The following ROR2 variants were observed in gnomAD, a reference collection of about 807,000 sequenced individuals.
ROR2 encodes the protein ROR family WNT receptor 2, also known as tyrosine-protein kinase transmembrane receptor ROR2.
In ROR2, 33 loss-of-function variants were observed where a neutral mutation model predicts 74.9. The ratio of observed to expected loss-of-function variants is 0.44; its 90% CI spans 0.33 to 0.59. The LOEUF (loss-of-function observed/expected upper bound fraction) is 0.59, where lower values mean the gene tolerates loss of function less well. ROR2 is among the 20% of genes least tolerant of loss of function. The probability of loss-of-function intolerance (pLI) is 0.02; values close to 1 mark genes in which losing one functional copy is unlikely to be tolerated. For synonymous variants in ROR2, 586 were observed against 558.7 expected (o/e 1.05, Z -0.69); for missense variants, 1,216 against 1,313.8 (o/e 0.93, Z 1.15).
chr9:91,937,886 C>T (rs545221223), intron 1 of ROR2, among the ~76,000 whole-genome samples: 3 of 152,082 alleles, frequency 2.0e-5, no homozygotes, highest in African/African-American at 7.2e-5. Flanking sequence ...GCTAATTTTT[C>T]ATTTTTATTT....
intron 1 of ROR2, among the ~76,000 whole-genome samples, chr9:91,895,304 T>G (rs993500216): frequency 2.0e-5 from 3 of 152,194 alleles, no homozygotes; most frequent in Non-Finnish European, 4.4e-5. Flanking sequence ...TTGAAAAATA[T>G]CTGTATGATA....
At chr9:91,737,300 CA>C in intron 5 of ROR2, 90 bp downstream of exon 5, 1 of 1,539,612 alleles carries the variant, frequency 6.5e-7, no homozygotes, top group Non-Finnish European at 9.0e-7. Context: ...CTGACCATGC[CA>C]TTAACTGATG....
At chr9:91,741,892 T>C (rs1391485121) in intron 4 of ROR2, among the ~76,000 whole-genome samples, 2 of 152,200 alleles carry the variant, frequency 1.3e-5, no homozygotes, top group Non-Finnish European at 2.9e-5. Flanking sequence ...ATACAAACCA[T>C]GATGTCCACT....
chr9:91,867,024 T>A (rs980440487), intron 1 of ROR2, among the ~76,000 whole-genome samples: 8 of 152,248 alleles, frequency 5.3e-5, no homozygotes, highest in Non-Finnish European at 1.2e-4. Flanking sequence ...GTTCTGGTTC[T>A]GGACAAGATA....
intron 1 of ROR2, among the ~76,000 whole-genome samples, chr9:91,823,691 T>C (rs1348798323): frequency 1.3e-5 from 2 of 152,222 alleles, no homozygotes; most frequent in East Asian, 3.9e-4. Flanking sequence ...AGAGTTTATG[T>C]GTGTGTTTGC....
rs1170797903 is a variant in ROR2, at chr9:91,724,013, C to T, written c.2481G>A (p.Val827=). 1 of 1,612,414 alleles carries T rather than the reference C, an allele frequency of 6.2e-7. No homozygotes were observed. The highest frequency in any genetic ancestry group is 1.1e-5 in the South Asian group (1 of 91,068). The change falls in exon 9 of 9, where the codon GTG becomes GTA. Residue 827 remains valine (V), a synonymous_variant. Coordinates refer to ENST00000375708, the MANE Select transcript of ROR2 (RefSeq NM_004560.4). ...TGGGCAGGTAGGCCCCATAGGCCGG[C>T]ACCGGCTGGTAGCCGTTGACGGGGA... ...LYVPVNGYQP[V]PAYGAYLPNF... is the part of the protein sequence containing the mutation.
At chr9:91,901,816 G>A (rs1830684720) in intron 1 of ROR2, among the ~76,000 whole-genome samples, 1 of 139,204 alleles carries the variant, frequency 7.2e-6, no homozygotes, top group African/African-American at 2.6e-5. Flanking sequence ...AAAAAAAAAA[G>A]AGTGCTCTGA....
intron 2 of ROR2, among the ~76,000 whole-genome samples, chr9:91,770,838 C>T (rs913013165): frequency 2.6e-5 from 4 of 152,178 alleles, no homozygotes; most frequent in Non-Finnish European, 4.4e-5. Context: ...AACTATCATA[C>T]GTACACACAG....
chr9:91,770,376 C>CG (rs1826189826), intron 2 of ROR2, among the ~76,000 whole-genome samples: 1 of 152,204 alleles, frequency 6.6e-6, no homozygotes, highest in Admixed American at 6.5e-5. Context: ...GCGGTCAGCA[C>CG]GGGGGCCCAC....
chr9:91,757,362 G>T lies in ROR2; in HGVS notation c.373C>A (p.Leu125Met). The T allele has an allele frequency of 6.2e-7, 1 of 1,613,996 alleles. No individual in the cohort carries two copies. Among genetic ancestry groups the T allele is most frequent in the Non-Finnish European group, 8.5e-7 (1 of 1,180,016 alleles). Residue 125 changes from leucine (L) to methionine (M), a missense_variant, in exon 3 of 9, where the codon CTG becomes ATG. Leu to Met is a conservative substitution (Grantham distance 15). Coordinates refer to ENST00000375708, the MANE Select transcript of ROR2 (RefSeq NM_004560.4). ...EYGSRLRIQD[L>M]DTTDTGYYQC... ...TAGTAGCCAGTGTCTGTCGTGTCCA[G>T]GTCCTGGATTCGCAGTCGTGAACCA...
chr9:91,823,698 T>C (rs552613771), intron 1 of ROR2, among the ~76,000 whole-genome samples: 1 of 152,326 alleles, frequency 6.6e-6, no homozygotes, highest in East Asian at 1.9e-4. Context: ...ATGTGTGTGT[T>C]TGCAGTATTA....
chr9:91,758,435 A>T lies in ROR2; in HGVS notation c.176-876T>A, dbSNP rs148487645. 5.2e-3 allele frequency among the ~76,000 whole-genome samples: 786 copies of T among 152,280 alleles called. 4 individuals are homozygous for T. The highest frequency in any genetic ancestry group is 8.3e-3 in the Non-Finnish European group (567 of 68,016). On this transcript the variant is annotated intron_variant, in intron 2 of 8. Transcript: ENST00000375708. ...CACAAAGCCACAGAAGTAAAATATT[A>T]AAAAAAGATGTGTGACAAAACATGG...
At chr9:91,831,459 C>A (rs985416039) in intron 1 of ROR2, among the ~76,000 whole-genome samples, 2 of 151,982 alleles carry the variant, frequency 1.3e-5, no homozygotes, top group African/African-American at 2.4e-5. Flanking sequence ...CCTGGGGGGA[C>A]AACATCCATT....
chr9:91,921,475 G>A (rs1005813221), intron 1 of ROR2, among the ~76,000 whole-genome samples: 5 of 152,230 alleles, frequency 3.3e-5, no homozygotes, highest in African/African-American at 1.2e-4. Context: ...CACTTTTCAA[G>A]AGCCTGTGCT....
intron 1 of ROR2, among the ~76,000 whole-genome samples, chr9:91,828,799 T>C (rs1828368440): frequency 2.0e-5 from 3 of 152,234 alleles, no homozygotes; most frequent in Admixed American, 2.0e-4. Flanking sequence ...TTGTTTCTGT[T>C]TCCTGTCTTA....
At chr9:91,795,719 A>G (rs1251163489) in intron 1 of ROR2, among the ~76,000 whole-genome samples, 2 of 152,184 alleles carry the variant, frequency 1.3e-5, no homozygotes, top group Non-Finnish European at 2.9e-5. Flanking sequence ...TCATGGCATC[A>G]TGTCATGGGT....
At chr9:91,812,053 A>G (rs1238920998) in intron 1 of ROR2, among the ~76,000 whole-genome samples, 6 of 123,146 alleles carry the variant, frequency 4.9e-5, no homozygotes, top group Admixed American at 4.3e-4. Flanking sequence ...GATGAGCTTA[A>G]AAAAATGCAA....
chr9:91,915,642 G>A (rs1266632598), intron 1 of ROR2, among the ~76,000 whole-genome samples: 2 of 151,698 alleles, frequency 1.3e-5, no homozygotes, highest in African/African-American at 2.4e-5. Flanking sequence ...GCTGTCTTGG[G>A]GGAGGTGGGG....
chr9:91,895,573 G>A (rs1830514818), intron 1 of ROR2, among the ~76,000 whole-genome samples: 1 of 152,186 alleles, frequency 6.6e-6, no homozygotes, highest in Non-Finnish European at 1.5e-5. Context: ...GGCCAGGCAC[G>A]GTGGCTCACG....
Sources: allele counts gnomAD v4.1 joint callset (sites outside exome capture counted in the v4.1 genomes callset), GRCh38; gene constraint gnomAD v4.1.1; transcripts MANE v1.5; gene names NCBI Gene and HGNC (gene_info 2026-07-23, HGNC 2026-07-21).